RARB: variants seen among roughly 807,000 people sequenced by gnomAD.
RARB encodes the protein retinoic acid receptor beta.
A neutral mutation model predicts 51.9 loss-of-function variants in RARB; 17 were observed. The ratio of observed to expected loss-of-function variants is 0.33; its 90% CI spans 0.22 to 0.49. The LOEUF is 0.49. Among genes scored for constraint, RARB ranks in the 20% least tolerant of loss-of-function variants. RARB has a pLI of 0.99. For synonymous variants in RARB, 215 were observed against 195.4 expected (o/e 1.10, Z -0.84); for missense variants, 369 against 550.8 (o/e 0.67, Z 3.30).
At chr3:25,283,302 A>G (rs1174729022) in intron 5 of RARB, among the ~76,000 whole-genome samples, 3 of 152,210 alleles carry the variant, frequency 2.0e-5, no homozygotes, top group East Asian at 1.9e-4. Context: ...GGGCTTGTGG[A>G]AACCAGTCAG....
intron 5 of RARB, among the ~76,000 whole-genome samples, chr3:25,316,457 A>G (rs576373026): frequency 2.3e-4 from 35 of 152,330 alleles, no homozygotes; most frequent in African/African-American, 8.2e-4. Flanking sequence ...TTAAGGCAAG[A>G]AACAGAAAAT....
At chr3:25,124,134 G>T (rs1049660360) in intron 3 of RARB, among the ~76,000 whole-genome samples, 1 of 152,178 alleles carries the variant, frequency 6.6e-6, no homozygotes, top group Non-Finnish European at 1.5e-5. Flanking sequence ...TAGCACTTTG[G>T]GAGGCCAAGG....
At chr3:24,873,059 A>G (rs11129167) in intron 2 of RARB, among the ~76,000 whole-genome samples, 92,783 of 152,096 alleles carry the variant, frequency 0.61, 28,636 homozygotes, top group East Asian at 0.68. Flanking sequence ...CAGTTATAGC[A>G]CAGACAATAC....
chr3:25,000,683 T>G (rs1368342272), intron 2 of RARB, among the ~76,000 whole-genome samples: 1 of 152,162 alleles, frequency 6.6e-6, no homozygotes, highest in Non-Finnish European at 1.5e-5. Context: ...ATCTCAGTGC[T>G]TTCTTTCATT....
At chr3:25,247,263 G>T (rs1201625468) in intron 5 of RARB, among the ~76,000 whole-genome samples, 1 of 152,202 alleles carries the variant, frequency 6.6e-6, no homozygotes, top group Non-Finnish European at 1.5e-5. Context: ...GGGCTCTGTG[G>T]GACTGGGATC....
chr3:25,122,361 C>T (rs1443450493), intron 3 of RARB, among the ~76,000 whole-genome samples: 3 of 151,810 alleles, frequency 2.0e-5, no homozygotes, highest in Admixed American at 1.3e-4. Context: ...ATCATCAGGA[C>T]ATACTAAGTT....
At chr3:25,057,702 C>T (rs140953453) in intron 2 of RARB, among the ~76,000 whole-genome samples, 15 of 152,050 alleles carry the variant, frequency 9.9e-5, no homozygotes, top group African/African-American at 3.4e-4. Flanking sequence ...CTCATGCTTG[C>T]TTTTTTATTT....
chr3:25,055,116 T>C (rs1213893740), intron 2 of RARB, among the ~76,000 whole-genome samples: 3 of 152,184 alleles, frequency 2.0e-5, no homozygotes, highest in African/African-American at 7.2e-5. Flanking sequence ...TCAAAAGCAA[T>C]TCTCAAGAGT....
At chr3:25,333,917 A>G (rs1483401325) in intron 5 of RARB, among the ~76,000 whole-genome samples, 1 of 152,238 alleles carries the variant, frequency 6.6e-6, no homozygotes, top group African/African-American at 2.4e-5. Context: ...GCCAACAGAC[A>G]CATGAAAAAA....
chr3:25,141,600 A>C (rs1261929634), intron 4 of RARB, among the ~76,000 whole-genome samples: 1 of 152,192 alleles, frequency 6.6e-6, no homozygotes, highest in African/African-American at 2.4e-5. Flanking sequence ...TATCATTTCA[A>C]TCCTGTGATA....
intron 5 of RARB, among the ~76,000 whole-genome samples, chr3:25,409,834 A>G (rs772740795): frequency 7.2e-5 from 11 of 152,202 alleles, no homozygotes; most frequent in Non-Finnish European, 1.0e-4. Flanking sequence ...TGCCTTTTGT[A>G]CAATGGTGTC....
intron 5 of RARB, among the ~76,000 whole-genome samples, chr3:25,384,902 C>A (rs74907912): frequency 0.011 from 1,674 of 152,304 alleles, 36 homozygotes; most frequent in African/African-American, 0.038. Context: ...TTCTTTCCTT[C>A]ATAGCCAGCT....
chr3:25,247,107 C>T (rs978983111), intron 5 of RARB, among the ~76,000 whole-genome samples: 4 of 152,226 alleles, frequency 2.6e-5, no homozygotes, highest in Non-Finnish European at 5.9e-5. Flanking sequence ...TAGCTGGGAG[C>T]TTCATTTACA....
intron 2 of RARB, among the ~76,000 whole-genome samples, chr3:24,886,950 T>G (rs1182281995): frequency 6.6e-6 from 1 of 152,238 alleles, no homozygotes. Context: ...GTTGGGAGTT[T>G]TGCATACAAA....
chr3:25,496,169 T>G (rs1559434141), intron 2 of RARB, among the ~76,000 whole-genome samples: 1 of 152,236 alleles, frequency 6.6e-6, no homozygotes, highest in Non-Finnish European at 1.5e-5. Flanking sequence ...CAATTACAAT[T>G]GACTAACAGT....
intron 2 of RARB, among the ~76,000 whole-genome samples, chr3:24,887,696 C>G (rs1343257193): frequency 6.6e-6 from 1 of 152,216 alleles, no homozygotes; most frequent in Non-Finnish European, 1.5e-5. Context: ...TGACTCTACA[C>G]TGTGACTTCT....
chr3:25,261,986 T>C (rs1310401907), intron 5 of RARB, among the ~76,000 whole-genome samples: 2 of 152,114 alleles, frequency 1.3e-5, no homozygotes, highest in Non-Finnish European at 2.9e-5. Flanking sequence ...TAACATGCAA[T>C]GATGTTTTCA....
intron 2 of RARB, among the ~76,000 whole-genome samples, chr3:24,877,854 A>G (rs1247338950): frequency 6.6e-6 from 1 of 152,178 alleles, no homozygotes; most frequent in Non-Finnish European, 1.5e-5. Context: ...ACATGTCCAC[A>G]TGAATGTGAG....
At chr3:24,912,568 A>G (rs974207432) in intron 2 of RARB, among the ~76,000 whole-genome samples, 1 of 152,304 alleles carries the variant, frequency 6.6e-6, no homozygotes, top group South Asian at 2.1e-4. Flanking sequence ...TCAGCTTAAC[A>G]TAGCCAATCT....
Sources: allele counts gnomAD v4.1 joint callset (sites outside exome capture counted in the v4.1 genomes callset), GRCh38; gene constraint gnomAD v4.1.1; transcripts MANE v1.5; gene names NCBI Gene and HGNC (gene_info 2026-07-23, HGNC 2026-07-21).